The following EML6 variants were observed in gnomAD, a reference collection of about 807,000 sequenced individuals.
The protein encoded by EML6 is EMAP like 6, also known as echinoderm microtubule-associated protein-like 6.
In EML6, 154 loss-of-function variants were observed where a neutral mutation model predicts 240.1. That is an observed-to-expected ratio of 0.64 (90% CI 0.56 to 0.73). EML6 has a LOEUF of 0.73. EML6 is among the 30% of genes least tolerant of loss of function. The pLI is 0.00. For synonymous variants in EML6, 1,148 were observed against 899.0 expected, an observed-to-expected ratio of 1.28 and a Z score of -4.95; for missense variants, 2,964 against 2,474.6, an observed-to-expected ratio of 1.20 and a Z score of -4.20.
rs1018887372 is a variant in EML6, at chr2:54,928,755, T to A, written c.4004+4T>A. On this transcript the variant is annotated splice_donor_region_variant and intron_variant, in intron 28 of 41. Coordinates refer to ENST00000356458, the MANE Select transcript of EML6 (RefSeq NM_001039753.4). ...AGGAAGTTTCCGTGGAAGAAAGGTA[T>A]GGTGTTGCCAGGTTTGCTTGCTTTT... 4 of 1,551,676 alleles carry A rather than the reference T, an allele frequency of 2.6e-6. No homozygotes were observed. The African/African-American group carries it at 5.5e-5, about 21-fold the overall frequency.
intron 26 of EML6, among the ~76,000 whole-genome samples, chr2:54,919,243 C>T (rs376393566): frequency 5.5e-5 from 2 of 36,542 alleles, no homozygotes; most frequent in Admixed American, 3.6e-4. Context: ...TATTTTGCTT[C>T]CCCCCCCCCC....
chr2:54,941,553 A>G (rs1362505806), intron 28 of EML6, among the ~76,000 whole-genome samples: 1 of 152,216 alleles, frequency 6.6e-6, no homozygotes, highest in Non-Finnish European at 1.5e-5. Context: ...ATGCTGCTGG[A>G]TTTACCATAT....
chr2:54,930,645 T>C (rs1674805666), intron 28 of EML6, among the ~76,000 whole-genome samples: 1 of 152,114 alleles, frequency 6.6e-6, no homozygotes, highest in South Asian at 2.1e-4. Flanking sequence ...TTAAGATAAG[T>C]ATAGGGTCTG....
intron 29 of EML6, among the ~76,000 whole-genome samples, 176 bp downstream of exon 29, chr2:54,949,136 T>G (rs969882690): frequency 9.2e-5 from 14 of 151,520 alleles, no homozygotes; most frequent in African/African-American, 3.2e-4. Flanking sequence ...GGGACCAGAG[T>G]CGCAGCCACT....
intron 2 of EML6, among the ~76,000 whole-genome samples, chr2:54,807,662 C>G (rs181393303): frequency 3.3e-5 from 5 of 152,292 alleles, no homozygotes; most frequent in African/African-American, 1.2e-4. Flanking sequence ...AATAAATAAC[C>G]TCACAACTAT....
At position 54,928,302 on chromosome 2, in the gene EML6, G is replaced by C; in HGVS notation, c.3676-11G>C. The C allele has an allele frequency of 6.4e-7, 1 of 1,550,584 alleles. No homozygotes were observed. Among genetic ancestry groups the C allele is most frequent in the Non-Finnish European group, 8.7e-7 (1 of 1,146,044 alleles). On this transcript the variant is annotated splice_polypyrimidine_tract_variant and intron_variant, in intron 26 of 41. Transcript: ENST00000356458. Reference sequence around the variant, plus strand: ...AGTGGCTGGGGTAATAACCAATTTCGGGCTTTACAGGGACAGCACGCAAGA... The same window carrying C: ...AGTGGCTGGGGTAATAACCAATTTCCGGCTTTACAGGGACAGCACGCAAGA...
intron 28 of EML6, among the ~76,000 whole-genome samples, chr2:54,931,309 C>T (rs551021811): frequency 2.0e-5 from 3 of 152,198 alleles, no homozygotes; most frequent in African/African-American, 7.2e-5. Context: ...CAAGGCAGGG[C>T]ATTTGGGGAA....
chr2:54,965,035 T>C (rs1379479954), intron 38 of EML6, among the ~76,000 whole-genome samples: 1 of 152,190 alleles, frequency 6.6e-6, no homozygotes, highest in East Asian at 1.9e-4. Flanking sequence ...TGATTTCTAG[T>C]TTTCTGGGGC....
intron 2 of EML6, among the ~76,000 whole-genome samples, chr2:54,765,088 AT>A (rs1668130306): frequency 6.6e-6 from 1 of 151,820 alleles, no homozygotes; most frequent in Admixed American, 6.6e-5. Context: ...GTAATAATAT[AT>A]TTTCTGGATA....
At chr2:54,938,022 T>G (rs1675238997) in intron 28 of EML6, among the ~76,000 whole-genome samples, 1 of 152,146 alleles carries the variant, frequency 6.6e-6, no homozygotes, top group African/African-American at 2.4e-5. Flanking sequence ...GTGATGTTAG[T>G]GATGTGAATG....
intron 8 of EML6, among the ~76,000 whole-genome samples, chr2:54,847,282 T>A (rs1021438997): frequency 6.6e-6 from 1 of 152,138 alleles, no homozygotes; most frequent in African/African-American, 2.4e-5. Context: ...CTTGCTGGTT[T>A]CCTTCAAATC....
At chr2:54,801,767 G>T (rs1670163040) in intron 2 of EML6, among the ~76,000 whole-genome samples, 1 of 152,162 alleles carries the variant, frequency 6.6e-6, no homozygotes, top group South Asian at 2.1e-4. Context: ...CACAAACGTG[G>T]TTATTATTTT....
At chr2:54,955,683 T>A (rs1012178055) in intron 32 of EML6, among the ~76,000 whole-genome samples, 5 of 152,230 alleles carry the variant, frequency 3.3e-5, no homozygotes, top group African/African-American at 1.2e-4. Context: ...TAGCACAGAC[T>A]CTTGCTCACC....
intron 26 of EML6, among the ~76,000 whole-genome samples, chr2:54,918,125 T>G (rs1674029135): frequency 6.6e-6 from 1 of 152,208 alleles, no homozygotes; most frequent in Admixed American, 6.5e-5. Context: ...AACTTTACAT[T>G]TATACCCAAA....
Position 54,916,884 on chromosome 2 carries a change from A to G in EML6, c.3624A>G (p.Leu1208=), listed in dbSNP as rs556325178. 2.6e-6 allele frequency: 4 copies of G among 1,549,170 alleles called. No individual in the cohort carries two copies. Among genetic ancestry groups the G allele is most frequent in the Non-Finnish European group, 3.5e-6 (4 of 1,145,006 alleles). Reference sequence around the variant, plus strand: ...GTCTTACCAAAGACTGTTCCCTTTTAGCCACCGGAGATGATTTTGGTTTCG... The same window carrying G: ...GTCTTACCAAAGACTGTTCCCTTTTGGCCACCGGAGATGATTTTGGTTTCG... ...AASLTKDCSL[L]ATGDDFGFVK... The change falls in exon 26 of 42, where the codon TTA becomes TTG. Residue 1208 remains leucine, a synonymous_variant. Transcript: ENST00000356458.
chr2:54,949,039 A>G lies in EML6; in HGVS notation c.4083+79A>G. 5 of 1,056,720 alleles carry G rather than the reference A, an allele frequency of 4.7e-6. No individual in the cohort carries two copies. In the South Asian group the frequency reaches 6.8e-5, roughly 14 times the overall value. 65.5% of individuals were successfully genotyped at this position (1,056,720 alleles called of 1,614,324 possible). A position where few individuals can be genotyped will look rare whatever the true frequency, so the allele number is the denominator to read the frequency against. ...TAGACATCCCCATCTGCACGTCCCAAAGACACAGTCAAATGAAACGGAGTA... is the reference window on the plus strand; with the variant it reads ...TAGACATCCCCATCTGCACGTCCCAGAGACACAGTCAAATGAAACGGAGTA... On this transcript the variant is annotated intron_variant, in intron 29 of 41. Transcript: ENST00000356458.
Position 54,903,190 on chromosome 2 carries a change from T to C in EML6, c.3271T>C (p.Ser1091Pro). 1 of 1,551,872 alleles carries C rather than the reference T, an allele frequency of 6.4e-7. No homozygotes were observed. The highest frequency in any genetic ancestry group is 8.7e-7 in the Non-Finnish European group (1 of 1,146,946). Residue 1091 changes from serine (S) to proline (P), a missense_variant, in exon 23 of 42, where the codon TCA becomes CCA. Transcript: ENST00000356458. ...AGAAATGATCTCTGATATTAAGTTT[T>C]CAAAAGGTGAAGATGACAGCAGATA... ...RKEMISDIKFSKDTGKYLAVA... is the reference protein window; with the variant it reads ...RKEMISDIKFPKDTGKYLAVA...
At chr2:54,845,728 G>A (rs1183798269) in intron 8 of EML6, among the ~76,000 whole-genome samples, 1 of 152,122 alleles carries the variant, frequency 6.6e-6, no homozygotes, top group Non-Finnish European at 1.5e-5. Flanking sequence ...TCAGCTTGAG[G>A]CTGCACAGTA....
chr2:54,964,301 TC>T, intron 37 of EML6, 143 bp downstream of exon 37: 1 of 819,526 alleles, frequency 1.2e-6, no homozygotes, highest in Non-Finnish European at 1.9e-6. Context: ...GAATACCTTC[TC>T]CCACTCTCAC....
Sources: allele counts gnomAD v4.1 joint callset (sites outside exome capture counted in the v4.1 genomes callset), GRCh38; gene constraint gnomAD v4.1.1; transcripts MANE v1.5; gene names NCBI Gene and HGNC (gene_info 2026-07-23, HGNC 2026-07-21).